Variants in ABCB5 observed in about 807,000 individuals in gnomAD.
ABCB5 encodes the protein ATP binding cassette subfamily B member 5, also known as ATP-binding cassette sub-family B member 5.
In ABCB5, 155 loss-of-function variants were observed where a neutral mutation model predicts 144.2. That is an observed-to-expected ratio of 1.08 (90% confidence interval 0.94 to 1.23). The LOEUF is 1.23. Ranked by LOEUF, ABCB5 falls within the 50% of genes most tolerant of loss-of-function variation. The probability of loss-of-function intolerance (pLI) is 0.00; values close to 1 mark genes in which losing one functional copy is unlikely to be tolerated. For synonymous variants in ABCB5, 610 were observed against 528.6 expected, an observed-to-expected ratio of 1.15 and a Z score of -2.11; for missense variants, 1,830 against 1,520.8, an observed-to-expected ratio of 1.20 and a Z score of -3.38.
rs149476102 is a variant in ABCB5, at chr7:20,639,651, C to T, written c.315-3533C>T. The stretch of plus-strand genomic sequence containing the variant: ...TGGCACCTTTGCTAAAAATCAACTG[C>T]CAATAAATGTAGGAGTCCGTTTCTG... On this transcript the variant is annotated intron_variant, in intron 5 of 27. Transcript: ENST00000404938. 4.1e-3 allele frequency among the ~76,000 whole-genome samples: 629 copies of T among 152,268 alleles called. 2 individuals carry two copies. The highest frequency in any genetic ancestry group is 0.014 in the African/African-American group (587 of 41,546).
chr7:20,684,448 G>C (rs189775274), intron 15 of ABCB5, among the ~76,000 whole-genome samples: 10 of 152,152 alleles, frequency 6.6e-5, no homozygotes, highest in African/African-American at 2.2e-4. Context: ...AAACTCCTGG[G>C]GGCAGGGGAG....
intron 1 of ABCB5, among the ~76,000 whole-genome samples, chr7:20,622,040 C>G (rs1206983866): frequency 7.9e-5 from 12 of 152,074 alleles, no homozygotes; most frequent in Admixed American, 7.9e-4. Context: ...AACCAGTGTT[C>G]TAATCAGTTA....
At chr7:20,674,658 A>G (rs1424567320) in intron 14 of ABCB5, among the ~76,000 whole-genome samples, 2 of 151,622 alleles carry the variant, frequency 1.3e-5, no homozygotes, top group Non-Finnish European at 3.0e-5. Flanking sequence ...AGCCAGGGCA[A>G]TTAGGCAAGA....
intron 14 of ABCB5, among the ~76,000 whole-genome samples, chr7:20,677,349 T>C (rs1189562121): frequency 1.3e-5 from 2 of 152,202 alleles, no homozygotes; most frequent in Non-Finnish European, 2.9e-5. Flanking sequence ...GATACAGATT[T>C]AGAAGCTGAA....
intron 26 of ABCB5, among the ~76,000 whole-genome samples, chr7:20,751,930 G>A (rs1040769113): frequency 5.9e-5 from 9 of 152,150 alleles, no homozygotes; most frequent in African/African-American, 1.9e-4. Context: ...TCAGACACCC[G>A]TCCTTTGCTA....
chr7:20,661,621 C>T (rs545699331), intron 14 of ABCB5, among the ~76,000 whole-genome samples: 3 of 150,636 alleles, frequency 2.0e-5, no homozygotes, highest in East Asian at 2.0e-4. Context: ...CTGCAACCTC[C>T]GCCTCCTGGG....
intron 25 of ABCB5, among the ~76,000 whole-genome samples, chr7:20,744,750 CTT>C (rs1782667418): frequency 6.6e-6 from 1 of 151,400 alleles, no homozygotes. Flanking sequence ...TACCCTAAAA[CTT>C]AAAGTATAAT....
intron 16 of ABCB5, among the ~76,000 whole-genome samples, chr7:20,692,151 G>A (rs1218114310): frequency 6.6e-6 from 1 of 151,978 alleles, no homozygotes; most frequent in Non-Finnish European, 1.5e-5. Context: ...TAAATTCTAA[G>A]CATAAGAAAC....
At chr7:20,750,735 G>A (rs181649629) in intron 26 of ABCB5, among the ~76,000 whole-genome samples, 7 of 152,276 alleles carry the variant, frequency 4.6e-5, no homozygotes, top group Admixed American at 4.6e-4. Context: ...CGGTAAGGGA[G>A]TGTGGATCTG....
chr7:20,720,226 T>C (rs185812688), intron 20 of ABCB5, among the ~76,000 whole-genome samples: 2 of 152,306 alleles, frequency 1.3e-5, no homozygotes, highest in East Asian at 1.9e-4. Context: ...TGGCTACATC[T>C]GGGATAATTT....
chr7:20,694,741 A>G (rs1786350126), intron 16 of ABCB5, among the ~76,000 whole-genome samples: 1 of 152,068 alleles, frequency 6.6e-6, no homozygotes, highest in African/African-American at 2.4e-5. Flanking sequence ...AATAAAGTTT[A>G]GCAAGGTTGT....
rs560693743 is a variant in ABCB5, at chr7:20,724,310, T to C, written c.2625+1091T>C. The stretch of plus-strand genomic sequence containing the variant: ...GACAGCCCTTTAGCAGCTGAATCGC[T>C]GTAAACAAGGAGACTTCTGTTGACT... On this transcript the variant is annotated intron_variant, in intron 21 of 27. Coordinates refer to ENST00000404938, the MANE Select transcript of ABCB5 (RefSeq NM_001163941.2). Among the ~76,000 whole-genome samples, 7 of 152,180 alleles carry C rather than the reference T, an allele frequency of 4.6e-5. No homozygotes were observed. In the East Asian group the frequency reaches 5.8e-4, roughly 13 times the overall value.
intron 26 of ABCB5, among the ~76,000 whole-genome samples, chr7:20,746,781 TAC>T (rs1782738433): frequency 1.3e-5 from 2 of 152,160 alleles, no homozygotes; most frequent in African/African-American, 2.4e-5. Context: ...GCAACACACA[TAC>T]ACACACATAA....
Position 20,651,430 on chromosome 7 carries a change from A to G in ABCB5, c.1343A>G (p.Asp448Gly), listed in dbSNP as rs1374689285. 1 of 1,613,940 alleles carries G rather than the reference A, an allele frequency of 6.2e-7. No homozygotes were observed. The highest frequency in any genetic ancestry group is 1.3e-5 in the African/African-American group (1 of 74,924). ...YDPDDGFIMV[D>G]ENDIRALNVR... ...TCTTTGGATTGGCAGATCATGGTGGATGAGAATGACATCAGAGCTTTAAAT... is the reference window on the plus strand; with the variant it reads ...TCTTTGGATTGGCAGATCATGGTGGGTGAGAATGACATCAGAGCTTTAAAT... The change falls in exon 13 of 28, where the codon GAT (aspartate) becomes GGT (glycine). Residue 448 changes from aspartate to glycine, a missense_variant. Physicochemically the swap from Asp to Gly is moderately conservative, Grantham distance 94. Coordinates refer to ENST00000404938, the MANE Select transcript of ABCB5 (RefSeq NM_001163941.2).
At chr7:20,668,480 G>T (rs1301588885) in intron 14 of ABCB5, among the ~76,000 whole-genome samples, 1 of 151,840 alleles carries the variant, frequency 6.6e-6, no homozygotes, top group East Asian at 2.0e-4. Context: ...GAAACCCTCT[G>T]CCTGGCAACC....
rs1783964949 is a variant in ABCB5 at position 20,628,741 on chromosome 7, A to G, written c.162A>G (p.Ala54=). ...DITLMILGIL[A]SLVNGACLPL... ...CACTCATGATCCTGGGTATACTGGCATCACTGGTCAATGGAGCCTGCCTTC... is the reference window on the plus strand; with the variant it reads ...CACTCATGATCCTGGGTATACTGGCGTCACTGGTCAATGGAGCCTGCCTTC... Residue 54 remains alanine (A), a synonymous_variant, in exon 4 of 28, where the codon GCA becomes GCG. Coordinates refer to ENST00000404938, the MANE Select transcript of ABCB5 (RefSeq NM_001163941.2). 1 of 1,613,518 alleles carries G rather than the reference A, an allele frequency of 6.2e-7. No homozygotes were observed. The highest frequency in any genetic ancestry group is 1.3e-5 in the African/African-American group (1 of 74,854).
At chr7:20,718,155 C>A (rs1781748354) in intron 20 of ABCB5, among the ~76,000 whole-genome samples, 2 of 151,678 alleles carry the variant, frequency 1.3e-5, no homozygotes, top group Admixed American at 6.6e-5. Context: ...GTGACCAGCC[C>A]GCCTCGGCCT....
At chr7:20,658,818 C>G in intron 14 of ABCB5, 142 bp downstream of exon 14, 1 of 1,096,986 alleles carries the variant, frequency 9.1e-7, no homozygotes, top group Non-Finnish European at 1.3e-6. Flanking sequence ...CCACTGAGAA[C>G]TTACGTGATG....
At chr7:20,726,756 C>T (rs1361108519) in intron 21 of ABCB5, among the ~76,000 whole-genome samples, 1 of 152,092 alleles carries the variant, frequency 6.6e-6, no homozygotes, top group Non-Finnish European at 1.5e-5. Flanking sequence ...ATTCTTCTGT[C>T]TATGGAACAA....
Sources: gnomAD v4.1 joint callset for allele counts (sites outside exome capture counted in the v4.1 genomes callset) on GRCh38, gnomAD v4.1.1 for gene constraint, MANE v1.5 for transcripts, NCBI Gene and HGNC (gene_info 2026-07-23, HGNC 2026-07-21) for gene names.